Variants in TBC1D2B observed in about 807,000 individuals in gnomAD.
The protein encoded by TBC1D2B is TBC1 domain family, member 2B.
A neutral mutation model predicts 100.8 loss-of-function variants in TBC1D2B; 64 were observed. The ratio of observed to expected loss-of-function variants is 0.64; its 90% CI spans 0.52 to 0.78. The LOEUF is 0.78. Among genes scored for constraint, TBC1D2B ranks in the 30% least tolerant of loss-of-function variants. The pLI is 0.00. For missense variants in TBC1D2B, 1,052 were observed against 1,218.4 expected, an observed-to-expected ratio of 0.86 and a Z score of 2.03; for synonymous variants, 480 against 479.7, an observed-to-expected ratio of 1.00 and a Z score of -0.01.
chr15:78,070,090 C>A (rs2073720144), intron 1 of TBC1D2B, among the ~76,000 whole-genome samples: 1 of 152,224 alleles, frequency 6.6e-6, no homozygotes, highest in South Asian at 2.1e-4. Context: ...GACCAAAATC[C>A]TGCCCTGGCC....
chr15:78,011,831 G>C (rs1047162369), intron 9 of TBC1D2B, among the ~76,000 whole-genome samples: 1 of 151,840 alleles, frequency 6.6e-6, no homozygotes, highest in Non-Finnish European at 1.5e-5. Context: ...ATTTTTAGTA[G>C]AGACAGGGTC....
intron 4 of TBC1D2B, 45 bp from the exon 5 acceptor site, chr15:78,025,542 T>A (rs1294189043): frequency 6.7e-6 from 9 of 1,336,612 alleles, no homozygotes; most frequent in East Asian, 2.6e-5. Flanking sequence ...TATTATTATT[T>A]TTGAGACGGA....
At chr15:78,020,322 A>G (rs753595853) in intron 6 of TBC1D2B, among the ~76,000 whole-genome samples, 15 of 152,232 alleles carry the variant, frequency 9.9e-5, no homozygotes, top group Non-Finnish European at 1.8e-4. Context: ...GGGGTCAGTG[A>G]AAGCAAGTAA....
intron 6 of TBC1D2B, 108 bp downstream of exon 6, chr15:78,024,048 T>C (rs1320629963): frequency 1.0e-5 from 14 of 1,350,024 alleles, no homozygotes; most frequent in African/African-American, 7.4e-5. Flanking sequence ...AAAAAATAAG[T>C]GTGCAGCTGT....
intron 1 of TBC1D2B, among the ~76,000 whole-genome samples, chr15:78,068,387 A>ACC (rs1555422899): frequency 8.6e-4 from 116 of 134,416 alleles, no homozygotes; most frequent in Admixed American, 1.7e-3. Flanking sequence ...CCACACCCAC[A>ACC]CACACACACA....
At chr15:78,067,881 A>C (rs1379315662) in intron 1 of TBC1D2B, among the ~76,000 whole-genome samples, 3 of 152,254 alleles carry the variant, frequency 2.0e-5, no homozygotes, top group Admixed American at 6.5e-5. Context: ...CAGCTACACA[A>C]TTATACCAAC....
In TBC1D2B at chr15:77,997,105, C is replaced by G. The variant is rs1160787099; in HGVS notation, c.*1055G>C. On this transcript the variant is annotated 3_prime_UTR_variant, in exon 13 of 13. Transcript: ENST00000300584. ...CCCCAAGCAAAAAAGTTTCCCAGCC[C>G]CAGGCACTGGCAGCCGGCCTCCTGC... 1 of 152,702 alleles carries G rather than the reference C, an allele frequency of 6.5e-6. No homozygotes were observed. The highest frequency in any genetic ancestry group is 2.4e-5 in the African/African-American group (1 of 41,460). 9.5% of individuals were successfully genotyped at this position (152,702 alleles called of 1,614,324 possible).
At chr15:78,019,055 G>C (rs986597278) in intron 6 of TBC1D2B, among the ~76,000 whole-genome samples, 1 of 151,970 alleles carries the variant, frequency 6.6e-6, no homozygotes, top group Non-Finnish European at 1.5e-5. Flanking sequence ...GGGTAGTCAA[G>C]ACAGACTCTG....
At chr15:78,052,422 C>T (rs2073332586) in intron 2 of TBC1D2B, among the ~76,000 whole-genome samples, 1 of 152,116 alleles carries the variant, frequency 6.6e-6, no homozygotes, top group African/African-American at 2.4e-5. Context: ...ATCTTGAGTG[C>T]CGACTTTGCT....
At chr15:78,062,052 G>A (rs968590058) in intron 1 of TBC1D2B, among the ~76,000 whole-genome samples, 42 of 152,238 alleles carry the variant, frequency 2.8e-4, no homozygotes, top group African/African-American at 9.1e-4. Context: ...TGTCAAGACC[G>A]AGCCCAAAAC....
At chr15:78,063,885 T>C (rs2073601136) in intron 1 of TBC1D2B, among the ~76,000 whole-genome samples, 1 of 152,212 alleles carries the variant, frequency 6.6e-6, no homozygotes, top group Non-Finnish European at 1.5e-5. Context: ...CATCTACCCC[T>C]GGGCCTCTGG....
intron 8 of TBC1D2B, among the ~76,000 whole-genome samples, 183 bp downstream of exon 8, chr15:78,016,363 G>A (rs536181291): frequency 7.9e-5 from 12 of 152,208 alleles, no homozygotes; most frequent in African/African-American, 2.2e-4. Context: ...GTAAGTCCCC[G>A]CTCTATGACT....
chr15:78,076,387 T>A (rs1596334770), intron 1 of TBC1D2B, among the ~76,000 whole-genome samples: 1 of 152,130 alleles, frequency 6.6e-6, no homozygotes, highest in Non-Finnish European at 1.5e-5. Context: ...AGCTGGAGCA[T>A]CCCCGTCCAC....
At chr15:78,034,792 A>T (rs564226012) in intron 3 of TBC1D2B, 2 of 961,686 alleles carry the variant, frequency 2.1e-6, no homozygotes, top group African/African-American at 1.8e-5. Flanking sequence ...CTTGAAGCTG[A>T]AACAGTATAT....
chr15:78,013,203 T>G lies in TBC1D2B; in HGVS notation c.1890A>C (p.Glu630Asp). The change falls in exon 9 of 13, where the codon GAA becomes GAC. Residue 630 changes from glutamate (E) to aspartate (D), a missense_variant. Physicochemically the swap from Glu to Asp is conservative, Grantham distance 45. Transcript: ENST00000300584. The stretch of plus-strand genomic sequence containing the variant: ...TTTCCCACTTGACCCCAGTGGAGAC[T>G]TCCTGGTTTTCTGTGAGGTAGAGAG... ...LKTLYLTENQ[E>D]VSTGVKWENY... 1 of 1,614,058 alleles carries G rather than the reference T, an allele frequency of 6.2e-7. No individual in the cohort carries two copies. The highest frequency in any genetic ancestry group is 1.1e-5 in the South Asian group (1 of 91,082).
At chr15:78,029,982 C>A (rs770022871) in intron 4 of TBC1D2B, 25 bp downstream of exon 4, 32 of 1,586,522 alleles carry the variant, frequency 2.0e-5, no homozygotes, top group Non-Finnish European at 2.7e-5. Flanking sequence ...CAGAGAATGA[C>A]AGACAACAGG....
intron 11 of TBC1D2B, chr15:78,002,796 C>G (rs1011757762): frequency 6.5e-6 from 1 of 154,336 alleles, no homozygotes; most frequent in Non-Finnish European, 1.4e-5. Context: ...GGGGCCTCCA[C>G]TCCATTACAA....
At chr15:78,004,611 C>A (rs542938679) in intron 10 of TBC1D2B, among the ~76,000 whole-genome samples, 1 of 152,320 alleles carries the variant, frequency 6.6e-6, no homozygotes, top group African/African-American at 2.4e-5. Context: ...ACAAATGTTT[C>A]ACAAAACAAT....
chr15:78,041,727 C>T (rs1181555352), intron 3 of TBC1D2B, among the ~76,000 whole-genome samples: 1 of 152,142 alleles, frequency 6.6e-6, no homozygotes, highest in Non-Finnish European at 1.5e-5. Context: ...ACCATAAACA[C>T]TTAAGATTCA....
Sources: allele counts gnomAD v4.1 joint callset (sites outside exome capture counted in the v4.1 genomes callset), GRCh38; gene constraint gnomAD v4.1.1; transcripts MANE v1.5; gene names NCBI Gene and HGNC (gene_info 2026-07-23, HGNC 2026-07-21).